The following DPF3 variants were observed in gnomAD, a reference collection of about 807,000 sequenced individuals.
DPF3 encodes zinc finger protein DPF3.
Under a neutral mutation model 56.8 loss-of-function variants are expected in DPF3, and 18 were observed. The ratio of observed to expected loss-of-function variants is 0.32; its 90% CI spans 0.22 to 0.47. The LOEUF (loss-of-function observed/expected upper bound fraction) is 0.47, where lower values mean the gene tolerates loss of function less well. DPF3 is among the 20% of genes least tolerant of loss of function. The pLI is 1.00. For synonymous variants in DPF3, 188 were observed against 180.2 expected (o/e 1.04, Z -0.35); for missense variants, 403 against 488.8 (o/e 0.82, Z 1.65).
At chr14:72,892,238 A>G in intron 1 of DPF3, 3 of 1,535,510 alleles carry the variant, frequency 2.0e-6, no homozygotes, top group East Asian at 2.4e-5. Context: ...GGGAAACTGA[A>G]AATCAGTTGT....
rs1003979808 is a variant in DPF3, at chr14:72,612,927, C to G, written c.*6370G>C. ...TTCAGGAAAGATGCACCTTGCCTGG[C>G]AGCCCCTGGCTCTCCCTCTTGTCCT... is the stretch of plus-strand genomic sequence containing the variant. On this transcript the variant is annotated 3_prime_UTR_variant, in exon 11 of 11. Coordinates refer to ENST00000556509, the MANE Select transcript of DPF3 (RefSeq NM_001280542.3). 2.6e-5 allele frequency among the ~76,000 whole-genome samples: 4 copies of G among 152,068 alleles called. No homozygotes were observed. The highest frequency in any genetic ancestry group is 5.9e-5 in the Non-Finnish European group (4 of 68,016).
At chr14:72,873,991 G>C (rs1032575027) in intron 1 of DPF3, among the ~76,000 whole-genome samples, 5 of 151,314 alleles carry the variant, frequency 3.3e-5, no homozygotes, top group Non-Finnish European at 7.4e-5. Context: ...GTTAATGGGT[G>C]CAGCACACCA....
intron 1 of DPF3, among the ~76,000 whole-genome samples, chr14:72,789,882 G>A (rs1414269140): frequency 2.0e-5 from 3 of 152,086 alleles, no homozygotes; most frequent in East Asian, 3.9e-4. Context: ...TCCCTCCTCA[G>A]GGGGCCTCCC....
chr14:72,892,619 T>C, intron 1 of DPF3: 10 of 1,201,594 alleles, frequency 8.3e-6, no homozygotes, highest in Non-Finnish European at 1.0e-5. Flanking sequence ...GGTTTTCAAC[T>C]CCAGGAGTGG....
rs1884137668 is a variant in DPF3 at position 72,617,162 on chromosome 14, T to C, written c.*2135A>G. 6.6e-6 allele frequency among the ~76,000 whole-genome samples: 1 copy of C among 152,222 alleles called. No individual in the cohort carries two copies. The highest frequency in any genetic ancestry group is 1.5e-5 in the Non-Finnish European group (1 of 68,042). On this transcript the variant is annotated 3_prime_UTR_variant, in exon 11 of 11. Coordinates refer to ENST00000556509, the MANE Select transcript of DPF3 (RefSeq NM_001280542.3). ...AGGGCTGCCCTATCACCTGCACTTC[T>C]GTGGAAAACAAATTTGCACATACTC...
chr14:72,662,777 CCTT>C lies in DPF3; in HGVS notation c.871+11460_871+11462del, dbSNP rs562736157. The C allele has an allele frequency of 8.6e-4, 855 of 989,304 alleles. 2 individuals carry two copies. The highest frequency in any genetic ancestry group is 1.0e-3 in the Non-Finnish European group (828 of 831,626). 61.3% of individuals were successfully genotyped at this position (989,304 alleles called of 1,614,324 possible). A position where few individuals can be genotyped will look rare whatever the true frequency, so the allele number is the denominator to read the frequency against. The stretch of plus-strand genomic sequence containing the variant: ...TGCCAATCATCCTGGCTTCTTTTCA[CCTT>C]CTTCGGAAATGGCTTGCTTGAAGGA... On this transcript the variant is annotated intron_variant, in intron 8 of 10. Transcript: ENST00000556509.
At chr14:72,873,364 C>G (rs942582178) in intron 1 of DPF3, among the ~76,000 whole-genome samples, 2 of 152,134 alleles carry the variant, frequency 1.3e-5, no homozygotes, top group Admixed American at 6.5e-5. Context: ...AAATCAAAAC[C>G]ACAATGAGAT....
intron 3 of DPF3, among the ~76,000 whole-genome samples, chr14:72,752,309 T>C (rs1372311583): frequency 1.3e-5 from 2 of 152,196 alleles, no homozygotes; most frequent in Non-Finnish European, 2.9e-5. Context: ...GGGTAATCAC[T>C]TGGCTTGCTG....
At chr14:72,751,698 T>C (rs1890581708) in intron 3 of DPF3, among the ~76,000 whole-genome samples, 1 of 152,190 alleles carries the variant, frequency 6.6e-6, no homozygotes, top group Non-Finnish European at 1.5e-5. Context: ...CATGCTGAAA[T>C]GATGTTTTTG....
At chr14:72,723,927 T>C (rs1889288219) in intron 4 of DPF3, 199 bp from the exon 5 acceptor site, 2 of 517,556 alleles carry the variant, frequency 3.9e-6, no homozygotes, top group Non-Finnish European at 3.3e-6. Flanking sequence ...TCCTAAGCCC[T>C]TGGGCCCCTT....
intron 1 of DPF3, among the ~76,000 whole-genome samples, chr14:72,838,574 T>C (rs1599485960): frequency 6.6e-6 from 1 of 150,494 alleles, no homozygotes; most frequent in East Asian, 2.0e-4. Flanking sequence ...TGGCAATTAG[T>C]GGCCAGGCAC....
intron 1 of DPF3, among the ~76,000 whole-genome samples, chr14:72,858,986 C>T (rs1762236666): frequency 6.6e-6 from 1 of 151,998 alleles, no homozygotes; most frequent in Admixed American, 6.6e-5. Context: ...CACACACATA[C>T]CTATATACAC....
intron 6 of DPF3, among the ~76,000 whole-genome samples, chr14:72,702,855 T>C (rs1370881083): frequency 3.9e-5 from 6 of 152,064 alleles, no homozygotes; most frequent in Non-Finnish European, 5.9e-5. Flanking sequence ...CAACGGTGGA[T>C]CCAACCCCCA....
chr14:72,700,963 C>G (rs1407450714), intron 6 of DPF3, among the ~76,000 whole-genome samples: 1 of 152,226 alleles, frequency 6.6e-6, no homozygotes, highest in African/African-American at 2.4e-5. Flanking sequence ...TATTTCTCCT[C>G]TGAAGTCTGG....
chr14:72,729,942 C>A (rs1302346002), intron 4 of DPF3, among the ~76,000 whole-genome samples: 4 of 152,094 alleles, frequency 2.6e-5, no homozygotes, highest in Admixed American at 2.6e-4. Flanking sequence ...AATGATGAGT[C>A]AGTGCAGCTC....
At chr14:72,741,128 G>A (rs552593678) in intron 3 of DPF3, among the ~76,000 whole-genome samples, 6 of 152,156 alleles carry the variant, frequency 3.9e-5, no homozygotes, top group Admixed American at 6.5e-5. Flanking sequence ...CTTTTCCAGC[G>A]GGGCAGTGAG....
At chr14:72,884,971 T>TATATATACATATATATATA (rs10523148) in intron 1 of DPF3, among the ~76,000 whole-genome samples, 2 of 111,682 alleles carry the variant, frequency 1.8e-5, no homozygotes, top group Non-Finnish European at 3.7e-5. Flanking sequence ...TATATATATA[T>TATATATACATATATATATA]TAGCCGGGCG....
intron 8 of DPF3, among the ~76,000 whole-genome samples, chr14:72,643,363 A>C (rs1215730554): frequency 1.3e-5 from 2 of 152,216 alleles, no homozygotes; most frequent in African/African-American, 4.8e-5. Flanking sequence ...CCATGCCTCT[A>C]GCGAAATCCC....
chr14:72,719,069 C>CTTTTTTTT (rs71448401), intron 5 of DPF3, among the ~76,000 whole-genome samples: 7 of 100,718 alleles, frequency 7.0e-5, no homozygotes, highest in Admixed American at 1.2e-4. Context: ...CGTGCCAGGC[C>CTTTTTTTT]TTTTTTTTTT....
Sources: allele counts gnomAD v4.1 joint callset (sites outside exome capture counted in the v4.1 genomes callset), GRCh38; gene constraint gnomAD v4.1.1; transcripts MANE v1.5; gene names NCBI Gene and HGNC (gene_info 2026-07-23, HGNC 2026-07-21).